The following PLTP variants were observed in gnomAD, a reference collection of about 807,000 sequenced individuals.
PLTP encodes phospholipid transfer protein.
A neutral mutation model predicts 54.1 loss-of-function variants in PLTP; 43 were observed. That is an observed-to-expected ratio of 0.79 (90% CI 0.62 to 1.02). The LOEUF is 1.02. PLTP is among the 50% of genes least tolerant of loss of function. The pLI is 0.00. For synonymous variants in PLTP, 263 were observed against 264.6 expected, an observed-to-expected ratio of 0.99 and a Z score of 0.06; for missense variants, 604 against 645.9, an observed-to-expected ratio of 0.94 and a Z score of 0.70.
intron 10 of PLTP, among the ~76,000 whole-genome samples, chr20:45,903,978 C>T (rs748782675): frequency 1.9e-4 from 29 of 152,296 alleles, no homozygotes; most frequent in Middle Eastern, 6.8e-3. Context: ...AGAGTATAGG[C>T]GTGAGCCATC....
In PLTP at chr20:45,902,303, C is replaced by G; in HGVS notation, c.1139G>C (p.Arg380Pro). Residue 380 changes from arginine to proline, a missense_variant, in exon 12 of 16, where the codon CGG (arginine) becomes CCG (proline). Physicochemically the swap from Arg to Pro is moderately radical, Grantham distance 103 (BLOSUM62 -2). Coordinates refer to ENST00000372431, the MANE Select transcript of PLTP (RefSeq NM_006227.4). The part of the protein sequence containing the change: ...DARLSAKMAL[R>P]GKALRTQLDL... Reference sequence around the variant, plus strand: ...CAGCTGCGTGCGCAGGGCCTTCCCCCGGAGAGCCATCTTGGCGCTGAGACG... The same window carrying G: ...CAGCTGCGTGCGCAGGGCCTTCCCCGGGAGAGCCATCTTGGCGCTGAGACG... 6.2e-7 allele frequency: 1 copy of G among 1,614,124 alleles called. No homozygotes were observed. The highest frequency in any genetic ancestry group is 8.5e-7 in the Non-Finnish European group (1 of 1,180,042).
chr20:45,903,099 C>T (rs748082269), intron 10 of PLTP, among the ~76,000 whole-genome samples: 4 of 152,188 alleles, frequency 2.6e-5, no homozygotes, highest in Admixed American at 1.3e-4. Context: ...AACGGGGTTT[C>T]GCCATATTGG....
At chr20:45,902,702 T>C in intron 10 of PLTP, 98 bp from the exon 11 acceptor site, 1 of 1,284,920 alleles carries the variant, frequency 7.8e-7, no homozygotes, top group Non-Finnish European at 1.1e-6. Context: ...TTCTGTCCTC[T>C]GGGGACTCTC....
chr20:45,901,731 G>A (rs984664720), intron 12 of PLTP, among the ~76,000 whole-genome samples: 3 of 151,922 alleles, frequency 2.0e-5, no homozygotes, highest in Admixed American at 6.6e-5. Context: ...GTGAAACCCT[G>A]TCTCTACTAA....
Position 45,907,751 on chromosome 20 carries a change from C to T in PLTP, c.554G>A (p.Cys185Tyr). 1 of 1,613,594 alleles carries T rather than the reference C, an allele frequency of 6.2e-7. No homozygotes were observed. Among genetic ancestry groups the T allele is most frequent in the Non-Finnish European group, 8.5e-7 (1 of 1,179,920 alleles). ...GMRFLLNQQI[C>Y]PVLYHAGTVL... ...CGTCCCTGCGTGGTAGAGGACAGGG[C>T]AGATCTGCGAGGTGGGAGCCAGAGT... The change falls in exon 7 of 16, where the codon TGC (cysteine) becomes TAC (tyrosine). Residue 185 changes from cysteine to tyrosine, a missense_variant. Coordinates refer to ENST00000372431, the MANE Select transcript of PLTP (RefSeq NM_006227.4).
At chr20:45,899,812 G>GGCGCCCCCCCCCCCCCCCCC in intron 13 of PLTP, 24 bp downstream of exon 13, 1 of 309,344 alleles carries the variant, frequency 3.2e-6, no homozygotes, top group Non-Finnish European at 6.2e-6. Context: ...ACCCAGCCCA[G>GGCGCCCCCCCCCCCCCCCCC]CCCACCCACC....
intron 1 of PLTP, 155 bp from the exon 2 acceptor site, chr20:45,911,618 G>A: frequency 1.0e-6 from 1 of 1,002,608 alleles, no homozygotes; most frequent in Non-Finnish European, 1.5e-6. Flanking sequence ...TGGCAGATGT[G>A]GAAACTGAGG....
At chr20:45,902,765 T>C (rs1325827891) in intron 10 of PLTP, among the ~76,000 whole-genome samples, 161 bp from the exon 11 acceptor site, 1 of 152,266 alleles carries the variant, frequency 6.6e-6, no homozygotes, top group Non-Finnish European at 1.5e-5. Context: ...CATCTGCATC[T>C]AGCCTTCATG....
intron 7 of PLTP, among the ~76,000 whole-genome samples, chr20:45,906,885 C>A (rs2145837545): frequency 1.6e-5 from 1 of 62,990 alleles, no homozygotes; most frequent in African/African-American, 4.6e-5. Flanking sequence ...AGCGAGACTC[C>A]ATCTCAAAAA....
At chr20:45,909,480 C>G (rs747930196) in intron 5 of PLTP, 36 bp downstream of exon 5, 3 of 1,612,618 alleles carry the variant, frequency 1.9e-6, no homozygotes, top group East Asian at 2.2e-5. Flanking sequence ...CTGTGGGGCT[C>G]GAAAAGGGTG....
chr20:45,910,022 C>G lies in PLTP; in HGVS notation c.249G>C (p.Gln83His), dbSNP rs1489729488. ...TTTGAAGCATCAGCTCCTGCTGTGG[C>G]TGGAAATCGAGCTCGGAAGATGTCA... ...LQLTSSELDF[Q>H]PQQELMLQIT... Residue 83 changes from glutamine to histidine, a missense_variant, in exon 4 of 16, where the codon CAG (glutamine) becomes CAC (histidine). Gln to His is a conservative substitution (Grantham distance 24, BLOSUM62 0). Coordinates refer to ENST00000372431, the MANE Select transcript of PLTP (RefSeq NM_006227.4). 2 of 1,614,136 alleles carry G rather than the reference C, an allele frequency of 1.2e-6. No homozygotes were observed. The highest frequency in any genetic ancestry group is 1.7e-6 in the Non-Finnish European group (2 of 1,180,012).
intron 4 of PLTP, 98 bp downstream of exon 4, chr20:45,909,844 C>A: frequency 6.6e-7 from 1 of 1,516,512 alleles, no homozygotes. Context: ...GATGAAGAAA[C>A]GGAAACTCAG....
intron 8 of PLTP, among the ~76,000 whole-genome samples, chr20:45,905,655 G>A (rs761081231): frequency 2.0e-5 from 3 of 152,206 alleles, no homozygotes; most frequent in Non-Finnish European, 4.4e-5. Context: ...TGCCCAAGCT[G>A]GTCTCAAACT....
chr20:45,909,058 G>A (rs3091649), intron 5 of PLTP, among the ~76,000 whole-genome samples: 78,589 of 147,864 alleles, frequency 0.53, 21,039 homozygotes, highest in Admixed American at 0.67. Context: ...TCCGCCTCCC[G>A]GGTTCAAGCG....
chr20:45,899,015 C>T lies in PLTP; in HGVS notation c.1408G>A (p.Glu470Lys), dbSNP rs780456513. 6.2e-7 allele frequency: 1 copy of T among 1,614,048 alleles called. No homozygotes were observed. Among genetic ancestry groups the T allele is most frequent in the Non-Finnish European group, 8.5e-7 (1 of 1,180,034 alleles). The stretch of plus-strand genomic sequence containing the variant: ...GCAGGCCGGTTCTTCTCAATCACCT[C>T]TCGCAGCCCTTTGGCAAAGTGGAGA... ...ADLHFAKGLR[E>K]VIEKNRPADV... is the part of the protein sequence containing the mutation. The change falls in exon 16 of 16, where the codon GAG (glutamate) becomes AAG (lysine). Residue 470 changes from glutamate (E) to lysine (K), a missense_variant. Coordinates refer to ENST00000372431, the MANE Select transcript of PLTP (RefSeq NM_006227.4).
At chr20:45,910,908 G>T in intron 3 of PLTP, 1 of 1,404,824 alleles carries the variant, frequency 7.1e-7, no homozygotes, top group Non-Finnish European at 9.3e-7. Context: ...ACATCCACTG[G>T]TCCTGCTTCC....
intron 3 of PLTP, 46 bp downstream of exon 3, chr20:45,911,106 C>T: frequency 1.2e-6 from 2 of 1,610,466 alleles, no homozygotes; most frequent in East Asian, 2.2e-5. Flanking sequence ...CCCGCCTCCA[C>T]CGCCGAGGCC....
In PLTP at chr20:45,899,331, T is replaced by C. The variant is rs1038854031; in HGVS notation, c.1359+131A>G. The C allele has an allele frequency of 8.8e-6, 9 of 1,026,438 alleles. No individual in the cohort carries two copies. The African/African-American group carries it at 1.4e-4, about 16-fold the overall frequency. The allele number at this position is 1,026,438 out of a possible 1,614,324, so 63.6% of individuals were successfully genotyped here. A position where few individuals can be genotyped will look rare whatever the true frequency, so the allele number is the denominator to read the frequency against. On this transcript the variant is annotated intron_variant, in intron 15 of 15. Coordinates refer to ENST00000372431, the MANE Select transcript of PLTP (RefSeq NM_006227.4). ...AGAAGTCACAGTGTGTGCAACGGCT[T>C]TTAGGAGTCTAAGATTAAAATGGGA...
chr20:45,902,049 C>T (rs749485918), intron 12 of PLTP, among the ~76,000 whole-genome samples: 15 of 152,180 alleles, frequency 9.9e-5, no homozygotes, highest in African/African-American at 1.2e-4. Context: ...TTGCTGGACC[C>T]ATTTGTTCAT....
Sources: gnomAD v4.1 joint callset for allele counts (sites outside exome capture counted in the v4.1 genomes callset) on GRCh38, gnomAD v4.1.1 for gene constraint, MANE v1.5 for transcripts, NCBI Gene and HGNC (gene_info 2026-07-23, HGNC 2026-07-21) for gene names.